The following CPNE8 variants were observed in gnomAD, a reference collection of about 807,000 sequenced individuals.
CPNE8 encodes copine 8.
Under a neutral mutation model 81.5 loss-of-function variants are expected in CPNE8, and 45 were observed. The ratio of observed to expected loss-of-function variants is 0.55; its 90% CI spans 0.44 to 0.71. CPNE8 has a LOEUF of 0.71. Among genes scored for constraint, CPNE8 ranks in the 30% least tolerant of loss-of-function variants. The pLI is 0.00. For synonymous variants in CPNE8, 252 were observed against 226.3 expected, an observed-to-expected ratio of 1.11 and a Z score of -1.02; for missense variants, 594 against 672.1, an observed-to-expected ratio of 0.88 and a Z score of 1.28.
chr12:38,671,114 T>A, intron 18 of CPNE8: 1 of 207,820 alleles, frequency 4.8e-6, no homozygotes, highest in Non-Finnish European at 9.5e-6. Context: ...CTACCAGTTC[T>A]AAACTTCGGG....
chr12:38,820,017 T>C (rs1182442408), intron 6 of CPNE8, among the ~76,000 whole-genome samples: 3 of 152,078 alleles, frequency 2.0e-5, no homozygotes, highest in African/African-American at 2.4e-5. Flanking sequence ...AAAGGAGCAA[T>C]AAATTTCACT....
intron 19 of CPNE8, among the ~76,000 whole-genome samples, chr12:38,662,043 T>G (rs1440767632): frequency 6.6e-6 from 1 of 152,116 alleles, no homozygotes; most frequent in East Asian, 1.9e-4. Context: ...AACCCACAGC[T>G]AATATCATAG....
chr12:38,707,809 C>T (rs1051424808), intron 13 of CPNE8, among the ~76,000 whole-genome samples: 14 of 152,150 alleles, frequency 9.2e-5, no homozygotes, highest in African/African-American at 2.9e-4. Flanking sequence ...CTCATGCTAG[C>T]GATGGTCACT....
At chr12:38,803,394 C>A (rs1942733969) in intron 6 of CPNE8, among the ~76,000 whole-genome samples, 1 of 148,824 alleles carries the variant, frequency 6.7e-6, no homozygotes, top group Non-Finnish European at 1.5e-5. Flanking sequence ...TAAACACAAC[C>A]AAAGACAAAA....
intron 19 of CPNE8, among the ~76,000 whole-genome samples, chr12:38,667,987 C>A (rs920878241): frequency 6.6e-6 from 1 of 152,012 alleles, no homozygotes; most frequent in Non-Finnish European, 1.5e-5. Context: ...TTAGTAGAGA[C>A]GGGGTTTCAC....
chr12:38,670,383 A>T (rs570858651), intron 19 of CPNE8, among the ~76,000 whole-genome samples: 1 of 152,252 alleles, frequency 6.6e-6, no homozygotes, highest in East Asian at 1.9e-4. Flanking sequence ...GTTTATATTC[A>T]CTTCCAGAGT....
intron 1 of CPNE8, among the ~76,000 whole-genome samples, chr12:38,889,680 C>T (rs1944283518): frequency 6.6e-6 from 1 of 152,120 alleles, no homozygotes; most frequent in Middle Eastern, 3.4e-3. Flanking sequence ...GGATTCCTGG[C>T]GAGGAGGAGA....
intron 13 of CPNE8, among the ~76,000 whole-genome samples, chr12:38,715,153 C>A (rs578108541): frequency 6.6e-6 from 1 of 152,150 alleles, no homozygotes; most frequent in Admixed American, 6.5e-5. Context: ...AATTTAATTG[C>A]AATGTTTGAC....
At chr12:38,677,802 T>C (rs1176100090) in intron 16 of CPNE8, among the ~76,000 whole-genome samples, 1 of 151,820 alleles carries the variant, frequency 6.6e-6, no homozygotes, top group East Asian at 1.9e-4. Context: ...TAATACAAAG[T>C]GTGCTAGATG....
intron 1 of CPNE8, among the ~76,000 whole-genome samples, chr12:38,905,065 A>G (rs927273990): frequency 6.6e-6 from 1 of 152,092 alleles, no homozygotes; most frequent in African/African-American, 2.4e-5. Flanking sequence ...CAGCGGTCAC[A>G]AGAGCTTTTG....
Position 38,718,329 on chromosome 12 carries a change from T to G in CPNE8, c.914+5443A>C, listed in dbSNP as rs188056675. Among the ~76,000 whole-genome samples the G allele has an allele frequency of 3.6e-3, 541 of 152,280 alleles. 1 individual carries two copies. The highest frequency in any genetic ancestry group is 0.034 in the Middle Eastern group (10 of 294). On this transcript the variant is annotated intron_variant, in intron 13 of 19. Coordinates refer to ENST00000331366, the MANE Select transcript of CPNE8 (RefSeq NM_153634.3). ...TATAGCTCCAAACTACCTTTCTGTG[T>G]TTTTTCTTTAGTTGAAAATACACAA...
At chr12:38,745,899 T>C (rs1326173027) in intron 10 of CPNE8, among the ~76,000 whole-genome samples, 2 of 152,122 alleles carry the variant, frequency 1.3e-5, no homozygotes, top group East Asian at 3.9e-4. Context: ...AACCCAAATC[T>C]GAGTCAGGCC....
intron 10 of CPNE8, among the ~76,000 whole-genome samples, chr12:38,740,360 T>G (rs551362561): frequency 6.6e-6 from 1 of 152,192 alleles, no homozygotes; most frequent in Non-Finnish European, 1.5e-5. Context: ...ACATTTGACT[T>G]CCTCTTTTCC....
At chr12:38,742,523 C>T (rs1050320613) in intron 10 of CPNE8, among the ~76,000 whole-genome samples, 6 of 116,382 alleles carry the variant, frequency 5.2e-5, no homozygotes, top group African/African-American at 1.1e-4. Context: ...ACACTGGGTC[C>T]TGTTGTGGGG....
At chr12:38,835,411 T>C (rs1304233308) in intron 5 of CPNE8, among the ~76,000 whole-genome samples, 1 of 152,220 alleles carries the variant, frequency 6.6e-6, no homozygotes, top group Non-Finnish European at 1.5e-5. Context: ...TTAAGTGCCA[T>C]AAAGAAAGTC....
chr12:38,880,497 A>C (rs1196418447), intron 1 of CPNE8, among the ~76,000 whole-genome samples: 2 of 152,202 alleles, frequency 1.3e-5, no homozygotes, highest in African/African-American at 4.8e-5. Flanking sequence ...TTGCTCTAAT[A>C]GGTAATCCAT....
At chr12:38,669,846 G>A (rs932034040) in intron 19 of CPNE8, among the ~76,000 whole-genome samples, 1 of 152,102 alleles carries the variant, frequency 6.6e-6, no homozygotes, top group African/African-American at 2.4e-5. Flanking sequence ...AAGCAGACTC[G>A]GGGGATATGC....
intron 15 of CPNE8, among the ~76,000 whole-genome samples, chr12:38,693,093 C>T (rs564408016): frequency 6.6e-6 from 1 of 152,230 alleles, no homozygotes; most frequent in South Asian, 2.1e-4. Flanking sequence ...TTCAGCTATC[C>T]AAGCTCAGGC....
intron 7 of CPNE8, among the ~76,000 whole-genome samples, chr12:38,775,455 C>T (rs1176903759): frequency 1.3e-5 from 2 of 152,044 alleles, no homozygotes; most frequent in African/African-American, 2.4e-5. Context: ...CAAGCAGCAA[C>T]TAAAAGTAAA....
Sources: allele counts gnomAD v4.1 joint callset (sites outside exome capture counted in the v4.1 genomes callset), GRCh38; gene constraint gnomAD v4.1.1; transcripts MANE v1.5; gene names NCBI Gene and HGNC (gene_info 2026-07-23, HGNC 2026-07-21).